The following SRSF4 variants were observed in gnomAD, a reference collection of about 807,000 sequenced individuals.
SRSF4 encodes the protein serine and arginine rich splicing factor 4, also known as serine/arginine-rich splicing factor 4.
Under a neutral mutation model 48.8 loss-of-function variants are expected in SRSF4, and 12 were observed. The ratio of observed to expected loss-of-function variants is 0.25; its 90% CI spans 0.16 to 0.40. The LOEUF is 0.40. Ranked by LOEUF, SRSF4 falls within the 10% of genes least tolerant of loss-of-function variation. The pLI, the probability that SRSF4 is intolerant of heterozygous loss-of-function variation, is 1.00. For synonymous variants in SRSF4, 248 were observed against 232.5 expected, an observed-to-expected ratio of 1.07 and a Z score of -0.61; for missense variants, 466 against 667.1, an observed-to-expected ratio of 0.70 and a Z score of 3.32.
chr1:29,159,092 C>T (rs562386471), intron 3 of SRSF4, among the ~76,000 whole-genome samples: 81 of 149,394 alleles, frequency 5.4e-4, no homozygotes, highest in African/African-American at 1.8e-3. Context: ...GGCAACACAG[C>T]GAGACTCCAT....
At chr1:29,155,705 C>T (rs909934030) in intron 3 of SRSF4, among the ~76,000 whole-genome samples, 1 of 152,068 alleles carries the variant, frequency 6.6e-6, no homozygotes, top group East Asian at 1.9e-4. Context: ...ATTGCCTAGG[C>T]TGGTCTCAAA....
intron 1 of SRSF4, chr1:29,171,788 T>C (rs1280019791): frequency 6.6e-6 from 1 of 152,212 alleles, no homozygotes; most frequent in Non-Finnish European, 1.5e-5. Context: ...ATCCTGTGCC[T>C]ATCTTTTAAG....
intron 3 of SRSF4, among the ~76,000 whole-genome samples, chr1:29,159,108 A>ACAAACCAAACCAAACCAAACCAAAC (rs6143174): frequency 6.7e-6 from 1 of 148,438 alleles, no homozygotes; most frequent in African/African-American, 2.5e-5. Context: ...TCCATCTCAA[A>ACAAACCAAACCAAACCAAACCAAAC]CAAACCAAAC....
At chr1:29,159,117 A>ACCAAT (rs1672554943) in intron 3 of SRSF4, among the ~76,000 whole-genome samples, 1 of 141,512 alleles carries the variant, frequency 7.1e-6, no homozygotes, top group South Asian at 2.1e-4. Context: ...AACAAACCAA[A>ACCAAT]CCAAACCAAA....
At chr1:29,176,496 A>G (rs984973427) in intron 1 of SRSF4, among the ~76,000 whole-genome samples, 2 of 151,894 alleles carry the variant, frequency 1.3e-5, no homozygotes, top group Non-Finnish European at 2.9e-5. Context: ...CTTTAAAAAA[A>G]AAAAAAAGAA....
Position 29,180,595 on chromosome 1 carries a change from C to T in SRSF4, c.107+1051G>A, listed in dbSNP as rs557705854. Among the ~76,000 whole-genome samples the T allele has an allele frequency of 3.3e-5, 5 of 152,260 alleles. No homozygotes were observed. In the East Asian group the frequency reaches 9.7e-4, roughly 29 times the overall value. On this transcript the variant is annotated intron_variant, in intron 1 of 5. Transcript: ENST00000373795. ...AACGGTAGCTATATTACAACTGTTG[C>T]AAAGTAGAGTTTCTTTTTTAAGCCA...
intron 5 of SRSF4, 59 bp downstream of exon 5, chr1:29,150,044 T>G (rs1213112252): frequency 1.4e-5 from 20 of 1,387,792 alleles, no homozygotes; most frequent in South Asian, 1.0e-4. Context: ...GAAAAAAAAG[T>G]GAGACAGGGT....
chr1:29,175,763 T>G (rs1013926531), intron 1 of SRSF4, among the ~76,000 whole-genome samples: 1 of 133,684 alleles, frequency 7.5e-6, no homozygotes, highest in Admixed American at 7.6e-5. Context: ...AAATTAAGAG[T>G]GGGTCTTTAA....
chr1:29,169,800 A>G (rs547685429), intron 1 of SRSF4: 3 of 152,366 alleles, frequency 2.0e-5, no homozygotes, highest in East Asian at 1.9e-4. Flanking sequence ...TAGTAGGGTG[A>G]GAAAAACAGA....
At chr1:29,154,168 G>C (rs971046234) in intron 4 of SRSF4, among the ~76,000 whole-genome samples, 4 of 152,126 alleles carry the variant, frequency 2.6e-5, no homozygotes, top group Admixed American at 1.3e-4. Context: ...CAATTTTCAA[G>C]CAATTTTTCT....
At chr1:29,160,270 G>T in intron 2 of SRSF4, 105 bp downstream of exon 2, 2 of 1,276,380 alleles carry the variant, frequency 1.6e-6, no homozygotes, top group Non-Finnish European at 2.1e-6. Flanking sequence ...TTACAAAATA[G>T]CTTAAACATC....
At position 29,180,699 on chromosome 1, in the gene SRSF4, CCCTA is replaced by C. The variant is rs1337854155; in HGVS notation, c.107+943_107+946del. Among the ~76,000 whole-genome samples, 4 of 152,314 alleles carry C rather than the reference CCCTA, an allele frequency of 2.6e-5. No individual in the cohort carries two copies. The South Asian group carries it at 6.2e-4, about 24-fold the overall frequency. ...TAATTTTATATCCATGCCTTCCAAG[CCCTA>C]CCTAACATCTGGTTCCCAGTTTTCC... On this transcript the variant is annotated intron_variant, in intron 1 of 5. Coordinates refer to ENST00000373795, the MANE Select transcript of SRSF4 (RefSeq NM_005626.5).
At chr1:29,173,263 A>T (rs1355816612) in intron 1 of SRSF4, 1 of 147,648 alleles carries the variant, frequency 6.8e-6, no homozygotes, top group African/African-American at 2.5e-5. Flanking sequence ...TCAACCTCCC[A>T]AGTAGCTGGG....
chr1:29,174,500 T>G (rs1264483541), intron 1 of SRSF4, among the ~76,000 whole-genome samples: 1 of 152,130 alleles, frequency 6.6e-6, no homozygotes, highest in Admixed American at 6.5e-5. Flanking sequence ...GTTGGAGTAC[T>G]ATGTAGCCAT....
chr1:29,162,144 C>A (rs1479379086), intron 1 of SRSF4, among the ~76,000 whole-genome samples: 1 of 152,080 alleles, frequency 6.6e-6, no homozygotes, highest in Non-Finnish European at 1.5e-5. Flanking sequence ...ACAGGAAGTG[C>A]CTTGCAGTAA....
Position 29,159,357 on chromosome 1 carries a change from G to C in SRSF4, c.363+17C>G. Reference sequence around the variant, plus strand: ...CTCCTGCCCAACCTTACCCCAAAAGGTTAATGGGGCCCAAACCTTTAGGTC... The same window carrying C: ...CTCCTGCCCAACCTTACCCCAAAAGCTTAATGGGGCCCAAACCTTTAGGTC... On this transcript the variant is annotated intron_variant, in intron 3 of 5. Transcript: ENST00000373795. 1 of 1,596,512 alleles carries C rather than the reference G, an allele frequency of 6.3e-7. No individual in the cohort carries two copies. The highest frequency in any genetic ancestry group is 2.2e-5 in the East Asian group (1 of 44,794).
intron 4 of SRSF4, 198 bp downstream of exon 4, chr1:29,154,496 TAA>T (rs371366983): frequency 1.7e-6 from 1 of 596,068 alleles, no homozygotes; most frequent in East Asian, 3.0e-5. Flanking sequence ...CTCTGATTTC[TAA>T]GAGAAGGGAC....
intron 1 of SRSF4, among the ~76,000 whole-genome samples, chr1:29,164,669 C>T (rs1672644149): frequency 6.6e-6 from 1 of 152,176 alleles, no homozygotes; most frequent in African/African-American, 2.4e-5. Context: ...TTCAATAATT[C>T]ATAGGATGCA....
At chr1:29,154,271 G>C (rs1384865375) in intron 4 of SRSF4, among the ~76,000 whole-genome samples, 1 of 151,772 alleles carries the variant, frequency 6.6e-6, no homozygotes, top group Non-Finnish European at 1.5e-5. Flanking sequence ...CGCCATGTTG[G>C]CCAGGCTGGT....
Sources: allele counts gnomAD v4.1 joint callset (sites outside exome capture counted in the v4.1 genomes callset), GRCh38; gene constraint gnomAD v4.1.1; transcripts MANE v1.5; gene names NCBI Gene and HGNC (gene_info 2026-07-23, HGNC 2026-07-21).